Variants in IGSF8 observed in about 807,000 individuals in gnomAD.
The protein encoded by IGSF8 is CD81 partner 3.
IGSF8 carries 46 observed loss-of-function variants against 55.5 expected under a neutral mutation model. The ratio of observed to expected loss-of-function variants is 0.83; its 90% confidence interval spans 0.65 to 1.06. IGSF8 has a LOEUF of 1.06. IGSF8 is among the 50% of genes least tolerant of loss of function. The probability of loss-of-function intolerance (pLI) is 0.00; values close to 1 mark genes in which losing one functional copy is unlikely to be tolerated. For missense variants in IGSF8, 731 were observed against 832.3 expected, an observed-to-expected ratio of 0.88 and a Z score of 1.50; for synonymous variants, 314 against 356.1, an observed-to-expected ratio of 0.88 and a Z score of 1.33.
Position 160,092,310 on chromosome 1 carries a change from C to A in IGSF8, c.1698G>T (p.Gly566=). 1 of 1,614,120 alleles carries A rather than the reference C, an allele frequency of 6.2e-7. No homozygotes were observed. Among genetic ancestry groups the A allele is most frequent in the Middle Eastern group, 1.7e-4 (1 of 6,060 alleles). Residue 566 remains glycine (G), a synonymous_variant, in exon 5 of 7, where the codon GGG becomes GGT. Transcript: ENST00000314485. ...GCATGTAGGGGTAGACTGTAACAGG[C>A]CCTGAGCGGGCACTGCCCGCCTGGT... The part of the protein sequence containing the change: ...SWYQAGSARS[G]PVTVYPYMHA...
At chr1:160,093,416 T>A in intron 3 of IGSF8, 85 bp from the exon 4 acceptor site, 3 of 1,365,542 alleles carry the variant, frequency 2.2e-6, no homozygotes, top group Non-Finnish European at 2.0e-6. Flanking sequence ...GTTTCCTACT[T>A]GACAGCAGCA....
chr1:160,092,172 A>G, intron 5 of IGSF8, 110 bp downstream of exon 5: 1 of 1,209,942 alleles, frequency 8.3e-7, no homozygotes, highest in Non-Finnish European at 1.2e-6. Context: ...CATGTGACAT[A>G]ATGTGGAGGA....
At chr1:160,097,728 T>A in intron 1 of IGSF8, 2 of 985,364 alleles carry the variant, frequency 2.0e-6, no homozygotes, top group Non-Finnish European at 2.4e-6. Context: ...AGGCACAAGG[T>A]GCTTGGAGAT....
At chr1:160,096,578 C>A (rs1650451611) in intron 1 of IGSF8, among the ~76,000 whole-genome samples, 1 of 152,258 alleles carries the variant, frequency 6.6e-6, no homozygotes, top group African/African-American at 2.4e-5. Context: ...TTCCCCACCC[C>A]TGCTTCTGGG....
upstream of IGSF8, among the ~76,000 whole-genome samples, chr1:160,099,160 C>T (rs1650673948): frequency 6.6e-6 from 1 of 151,862 alleles, no homozygotes; most frequent in Non-Finnish European, 1.5e-5. Context: ...GCTAACTGCA[C>T]CTCTGCGCAT....
At chr1:160,092,133 A>T in intron 5 of IGSF8, 149 bp downstream of exon 5, 1 of 965,274 alleles carries the variant, frequency 1.0e-6, no homozygotes, top group Non-Finnish European at 1.6e-6. Flanking sequence ...TGGGCACTGC[A>T]GGGCTGGAAG....
intron 4 of IGSF8, 30 bp from the exon 5 acceptor site, chr1:160,092,725 G>C: frequency 6.3e-7 from 1 of 1,595,412 alleles, no homozygotes; most frequent in Non-Finnish European, 8.5e-7. Flanking sequence ...GGGTCAGAGG[G>C]TGCAGGGCCA....
At chr1:160,095,572 C>T (rs539753662) in intron 1 of IGSF8, among the ~76,000 whole-genome samples, 19 of 152,334 alleles carry the variant, frequency 1.2e-4, no homozygotes, top group Admixed American at 6.5e-4. Context: ...GAACCTTGAT[C>T]TGTCCCTGCC....
At chr1:160,093,523 C>T (rs1214543781) in intron 3 of IGSF8, among the ~76,000 whole-genome samples, 187 bp downstream of exon 3, 2 of 152,162 alleles carry the variant, frequency 1.3e-5, no homozygotes, top group Non-Finnish European at 2.9e-5. Flanking sequence ...TATCTCTATA[C>T]CCAATTTCTG....
chr1:160,098,185 G>T (rs1318722830), intron 1 of IGSF8, among the ~76,000 whole-genome samples: 3 of 152,240 alleles, frequency 2.0e-5, no homozygotes, highest in Non-Finnish European at 2.9e-5. Context: ...GCACCTTAGT[G>T]GGTCCTCTCT....
Position 160,091,945 on chromosome 1 carries a change from G to GA in IGSF8, c.1727-8dup. ...ACAAATAGGGTGTCCAGGGCTGGGGGAGAGAGGATGACTGTTCAGAGAGGA... is the reference window on the plus strand; with the variant it reads ...ACAAATAGGGTGTCCAGGGCTGGGGGAAGAGAGGATGACTGTTCAGAGAGGA... On this transcript the variant is annotated splice_region_variant and splice_polypyrimidine_tract_variant and intron_variant, in intron 5 of 6. Transcript: ENST00000314485. 1.3e-6 allele frequency: 2 copies of GA among 1,566,426 alleles called. No homozygotes were observed. The highest frequency in any genetic ancestry group is 1.8e-6 in the Non-Finnish European group (2 of 1,136,538).
chr1:160,094,207 G>A lies in IGSF8; in HGVS notation c.443-36C>T, dbSNP rs1253548266. The A allele has an allele frequency of 7.2e-7, 1 of 1,393,536 alleles. No homozygotes were observed. The highest frequency in any genetic ancestry group is 1.3e-5 in the South Asian group (1 of 79,768). 86.3% of individuals were successfully genotyped at this position (1,393,536 alleles called of 1,614,324 possible). ...CAGCTGGAGTGAGGGAGGGCTGGGA[G>A]CTGGCAGCCCTTGTTACTGTTTCCT... On this transcript the variant is annotated intron_variant, in intron 2 of 6. Coordinates refer to ENST00000314485, the MANE Select transcript of IGSF8 (RefSeq NM_052868.6). The surrounding 1 kb of genome is among the most constrained non-coding windows in gnomAD (Gnocchi z 4.0).
chr1:160,097,877 G>A (rs868467992), intron 1 of IGSF8: 5 of 985,362 alleles, frequency 5.1e-6, no homozygotes, highest in Non-Finnish European at 6.0e-6. Context: ...ACCCAACCCA[G>A]GGTGGAGATG....
intron 1 of IGSF8, among the ~76,000 whole-genome samples, chr1:160,096,542 G>T (rs1442715330): frequency 6.6e-6 from 1 of 152,216 alleles, no homozygotes; most frequent in Non-Finnish European, 1.5e-5. Flanking sequence ...CTACCCTCCA[G>T]CTTCTCTAGA....
At chr1:160,092,816 G>C in intron 4 of IGSF8, 108 bp downstream of exon 4, 2 of 1,484,276 alleles carry the variant, frequency 1.3e-6, no homozygotes, top group Non-Finnish European at 1.8e-6. Context: ...GAAGAGGAGC[G>C]TGAGGCTGTG....
Position 160,092,554 on chromosome 1 carries a change from T to G in IGSF8, c.1454A>C (p.Glu485Ala), listed in dbSNP as rs1238926121. Residue 485 changes from glutamate (E) to alanine (A), a missense_variant, in exon 5 of 7, where the codon GAG (glutamate) becomes GCG (alanine). By Grantham distance (107) the Glu-to-Ala change is moderately radical (BLOSUM62 -1). Transcript: ENST00000314485. ...LAASWWVERP[E>A]DGELSSVPAQ... ...AGGGACAGAGCTGAGCTCTCCGTCC[T>G]CTGGTCGCTCCACCCACCAGCTGGC... 6.2e-7 allele frequency: 1 copy of G among 1,611,092 alleles called. No individual in the cohort carries two copies. Among genetic ancestry groups the G allele is most frequent in the African/African-American group, 1.3e-5 (1 of 74,932 alleles).
At position 160,093,241 on chromosome 1, in the gene IGSF8, A is replaced by T. The variant is rs1460179043; in HGVS notation, c.995T>A (p.Leu332His). Reference protein sequence around the residue: ...LELLCNVSGALPPAGRHAAYS... With the variant: ...LELLCNVSGAHPPAGRHAAYS... Reference sequence around the variant, plus strand: ...TGCAGCATGACGGCCTGCTGGGGGAAGTGCCCCTGACACATTGCACAGCAG... The same window carrying T: ...TGCAGCATGACGGCCTGCTGGGGGATGTGCCCCTGACACATTGCACAGCAG... The change falls in exon 4 of 7, where the codon CTT becomes CAT. Residue 332 changes from leucine to histidine, a missense_variant. Coordinates refer to ENST00000314485, the MANE Select transcript of IGSF8 (RefSeq NM_052868.6). 6.2e-7 allele frequency: 1 copy of T among 1,613,946 alleles called. No individual in the cohort carries two copies. Among genetic ancestry groups the T allele is most frequent in the East Asian group, 2.2e-5 (1 of 44,896 alleles).
At chr1:160,098,820 C>T, upstream of IGSF8, 1 of 204,058 alleles carries the variant, frequency 4.9e-6, no homozygotes, top group Non-Finnish European at 9.3e-6. Flanking sequence ...CCCGCCCCGC[C>T]CCTCGAAACT....
chr1:160,095,411 T>TATA, intron 1 of IGSF8, 165 bp from the exon 2 acceptor site: 1 of 706,668 alleles, frequency 1.4e-6, no homozygotes, highest in Non-Finnish European at 2.3e-6. Context: ...GATGCTGTGA[T>TATA]ATAAGACACC....
Sources: gnomAD v4.1 joint callset for allele counts (sites outside exome capture counted in the v4.1 genomes callset) on GRCh38, gnomAD v4.1.1 for gene constraint, Gnocchi (gnomAD v3.1) non-coding constraint, MANE v1.5 for transcripts, NCBI Gene and HGNC (gene_info 2026-07-23, HGNC 2026-07-21) for gene names.